The following NRG3 variants were observed in gnomAD, a reference collection of about 807,000 sequenced individuals.
NRG3 encodes the protein pro-neuregulin-3, membrane-bound isoform.
Under a neutral mutation model 66.9 loss-of-function variants are expected in NRG3, and 31 were observed. That is an observed-to-expected ratio of 0.46 (90% confidence interval 0.35 to 0.63). The LOEUF is 0.63. NRG3 is among the 20% of genes least tolerant of loss of function. NRG3 has a pLI of 0.00. For synonymous variants in NRG3, 393 were observed against 359.4 expected (o/e 1.09, Z -1.06); for missense variants, 910 against 878.9 (o/e 1.04, Z -0.45).
In NRG3 at chr10:82,278,506, G is replaced by C. The variant is rs143203714; in HGVS notation, c.824-80233G>C. Among the ~76,000 whole-genome samples the C allele has an allele frequency of 6.6e-5, 10 of 152,128 alleles. No homozygotes were observed. In the East Asian group the frequency reaches 1.9e-3, roughly 29 times the overall value. Reference sequence around the variant, plus strand: ...TCTCTTCTGTTGAAAATGTTCTCTGGCAGGATGATTTCTGTCAATAAGAGC... The same window carrying C: ...TCTCTTCTGTTGAAAATGTTCTCTGCCAGGATGATTTCTGTCAATAAGAGC... On this transcript the variant is annotated intron_variant, in intron 1 of 8. Coordinates refer to ENST00000372141, the MANE Select transcript of NRG3 (RefSeq NM_001010848.4).
intron 1 of NRG3, among the ~76,000 whole-genome samples, chr10:82,328,366 A>T (rs187606905): frequency 6.9e-4 from 105 of 152,344 alleles, no homozygotes; most frequent in Middle Eastern, 3.4e-3. Flanking sequence ...TTTTAAAATT[A>T]AATTAAAGTT....
intron 2 of NRG3, among the ~76,000 whole-genome samples, chr10:82,589,902 G>A (rs553892458): frequency 6.6e-6 from 1 of 152,202 alleles, no homozygotes; most frequent in South Asian, 2.1e-4. Context: ...CTGCAACTGT[G>A]GAAATGGCTT....
At position 82,985,198 on chromosome 10, in the gene NRG3, G is replaced by C. The variant is rs768442656; in HGVS notation, c.1684G>C (p.Asp562His). ...NPYFNSLEQK[D>H]LVGYSSTRAS... ...CTATTTTAATAGCTTGGAGCAAAAGGACCTGGTGGGCTATTCATCCACAAG... is the reference window on the plus strand; with the variant it reads ...CTATTTTAATAGCTTGGAGCAAAAGCACCTGGTGGGCTATTCATCCACAAG... Residue 562 changes from aspartate (D) to histidine (H), a missense_variant, in exon 9 of 9, where the codon GAC (aspartate) becomes CAC (histidine). Transcript: ENST00000372141. 3.1e-6 allele frequency: 5 copies of C among 1,614,088 alleles called. No individual in the cohort carries two copies. In the Admixed American group the frequency reaches 8.3e-5, roughly 27 times the overall value.
At chr10:82,811,701 A>T (rs2135507857) in intron 3 of NRG3, among the ~76,000 whole-genome samples, 1 of 152,326 alleles carries the variant, frequency 6.6e-6, no homozygotes, top group Middle Eastern at 3.4e-3. Context: ...AGCAAAATAA[A>T]ACTGTGAACA....
At chr10:82,454,955 C>G (rs922047990) in intron 2 of NRG3, among the ~76,000 whole-genome samples, 1 of 152,100 alleles carries the variant, frequency 6.6e-6, no homozygotes, top group Admixed American at 6.6e-5. Flanking sequence ...AATAATATCT[C>G]CATTTATAAT....
At chr10:82,984,330 C>T (rs1190227468) in intron 8 of NRG3, among the ~76,000 whole-genome samples, 1 of 152,194 alleles carries the variant, frequency 6.6e-6, no homozygotes, top group Non-Finnish European at 1.5e-5. Flanking sequence ...GCATTCTTGA[C>T]AAGCCCTTGC....
intron 3 of NRG3, among the ~76,000 whole-genome samples, chr10:82,816,936 G>A (rs2135545139): frequency 6.6e-6 from 1 of 152,346 alleles, no homozygotes; most frequent in East Asian, 1.9e-4. Flanking sequence ...ACTTTGTATG[G>A]AGGAATATGT....
chr10:82,656,149 G>A (rs1270831821), intron 2 of NRG3, among the ~76,000 whole-genome samples: 3 of 152,062 alleles, frequency 2.0e-5, no homozygotes, highest in African/African-American at 7.2e-5. Context: ...CTTTTCAGCT[G>A]AAAAGGGATT....
At chr10:82,541,553 G>C (rs959747979) in intron 2 of NRG3, among the ~76,000 whole-genome samples, 2 of 152,146 alleles carry the variant, frequency 1.3e-5, no homozygotes, top group Non-Finnish European at 2.9e-5. Flanking sequence ...GAACAGAACA[G>C]AACAGGACAG....
intron 1 of NRG3, among the ~76,000 whole-genome samples, chr10:82,110,979 A>G (rs143593829): frequency 2.5e-4 from 38 of 152,342 alleles, no homozygotes; most frequent in African/African-American, 8.9e-4. Context: ...AGATGTTACC[A>G]AAGAGGATTA....
chr10:82,637,208 A>C (rs1160796155), intron 2 of NRG3, among the ~76,000 whole-genome samples: 1 of 152,178 alleles, frequency 6.6e-6, no homozygotes, highest in Non-Finnish European at 1.5e-5. Context: ...AATGATGAGA[A>C]TATATTAAAA....
chr10:82,707,846 TAAAAAA>T (rs373670610), intron 2 of NRG3, among the ~76,000 whole-genome samples: 262 of 82,646 alleles, frequency 3.2e-3, no homozygotes, highest in African/African-American at 0.013. Context: ...TCATCTCTAC[TAAAAAA>T]AAAAAAAAAA....
At chr10:82,806,348 A>T (rs1460535139) in intron 3 of NRG3, among the ~76,000 whole-genome samples, 2 of 152,164 alleles carry the variant, frequency 1.3e-5, no homozygotes, top group African/African-American at 4.8e-5. Context: ...ATTATTTTCT[A>T]TATATTTTAT....
intron 1 of NRG3, among the ~76,000 whole-genome samples, chr10:82,121,066 A>G (rs539794778): frequency 1.8e-3 from 278 of 152,188 alleles, no homozygotes; most frequent in African/African-American, 6.2e-3. Flanking sequence ...CCATCATTCC[A>G]GTTACTCTAC....
rs145783939 is a variant in NRG3, at chr10:82,694,205, T to G, written c.954-44372T>G. ...AGAGTGCTGATTGGTGCATTTAGAA[T>G]CCTTTAGCTAGACACAGAGCGCTGA... is the stretch of plus-strand genomic sequence containing the variant. On this transcript the variant is annotated intron_variant, in intron 2 of 8. Coordinates refer to ENST00000372141, the MANE Select transcript of NRG3 (RefSeq NM_001010848.4). Among the ~76,000 whole-genome samples, 293 of 151,934 alleles carry G rather than the reference T, an allele frequency of 1.9e-3. 1 individual carries two copies. Among genetic ancestry groups the G allele is most frequent in the African/African-American group, 6.6e-3 (274 of 41,432 alleles).
chr10:82,599,914 T>C (rs925420607), intron 2 of NRG3, among the ~76,000 whole-genome samples: 2 of 152,214 alleles, frequency 1.3e-5, no homozygotes, highest in African/African-American at 4.8e-5. Context: ...TAGAATGATA[T>C]TAAGCATCAG....
intron 1 of NRG3, among the ~76,000 whole-genome samples, chr10:82,278,002 A>T (rs1206074273): frequency 6.6e-6 from 1 of 152,084 alleles, no homozygotes; most frequent in Non-Finnish European, 1.5e-5. Flanking sequence ...AGTAACTTCA[A>T]ATATCACCAC....
At chr10:82,939,387 AG>A (rs1848370607) in intron 4 of NRG3, among the ~76,000 whole-genome samples, 1 of 152,188 alleles carries the variant, frequency 6.6e-6, no homozygotes, top group Non-Finnish European at 1.5e-5. Context: ...GATAAACTAT[AG>A]AGTATCAACA....
intron 2 of NRG3, among the ~76,000 whole-genome samples, chr10:82,600,489 G>T (rs535681034): frequency 5.9e-5 from 9 of 152,046 alleles, no homozygotes; most frequent in African/African-American, 2.2e-4. Flanking sequence ...GCTATTTTTT[G>T]AGACGGAGTC....
Sources: allele counts gnomAD v4.1 joint callset (sites outside exome capture counted in the v4.1 genomes callset), GRCh38; gene constraint gnomAD v4.1.1; transcripts MANE v1.5; gene names NCBI Gene and HGNC (gene_info 2026-07-23, HGNC 2026-07-21).